The following SLC10A7 variants were observed in gnomAD, a reference collection of about 807,000 sequenced individuals.
The protein encoded by SLC10A7 is sodium/bile acid cotransporter 7.
SLC10A7 carries 29 observed loss-of-function variants against 43.2 expected under a neutral mutation model. The ratio of observed to expected loss-of-function variants is 0.67; its 90% CI spans 0.50 to 0.92. SLC10A7 has a LOEUF of 0.92. SLC10A7 is among the 40% of genes least tolerant of loss of function. SLC10A7 has a pLI of 0.00. For synonymous variants in SLC10A7, 152 were observed against 144.8 expected (o/e 1.05, Z -0.35); for missense variants, 295 against 403.2 (o/e 0.73, Z 2.30).
chr4:146,410,351 A>G (rs1409266880), intron 5 of SLC10A7, among the ~76,000 whole-genome samples: 1 of 152,192 alleles, frequency 6.6e-6, no homozygotes, highest in African/African-American at 2.4e-5. Context: ...AGTCTATATC[A>G]ACACTCAAAT....
chr4:146,260,371 T>C (rs1029926392), intron 10 of SLC10A7, among the ~76,000 whole-genome samples: 3 of 151,682 alleles, frequency 2.0e-5, no homozygotes, highest in African/African-American at 4.8e-5. Flanking sequence ...GGGATGGGAG[T>C]GGAGTAAATG....
rs917513358 is a variant in SLC10A7, at chr4:146,254,941, T to C, written c.*1550A>G. On this transcript the variant is annotated 3_prime_UTR_variant, in exon 12 of 12. Coordinates refer to ENST00000335472, the MANE Select transcript of SLC10A7 (RefSeq NM_001029998.6). ...AAATTCACACTGAGAATAACTCTTA[T>C]GAAATTTATTCAATGACATTGACAA... The C allele has an allele frequency of 6.6e-6, 1 of 152,236 alleles. No individual in the cohort carries two copies. Among genetic ancestry groups the C allele is most frequent in the Admixed American group, 6.5e-5 (1 of 15,284 alleles). The allele number at this position is 152,236 out of a possible 1,614,324, so 9.4% of individuals were successfully genotyped here.
chr4:146,314,628 A>G (rs1389998688), intron 6 of SLC10A7, among the ~76,000 whole-genome samples: 2 of 152,144 alleles, frequency 1.3e-5, no homozygotes, highest in African/African-American at 2.4e-5. Context: ...CCCCAAGGTA[A>G]TGATGTGACC....
intron 10 of SLC10A7, among the ~76,000 whole-genome samples, chr4:146,276,553 GAATAA>G (rs1729218832): frequency 6.6e-6 from 1 of 152,252 alleles, no homozygotes; most frequent in South Asian, 2.1e-4. Context: ...TACATAAGCT[GAATAA>G]AATAATAATC....
intron 5 of SLC10A7, among the ~76,000 whole-genome samples, chr4:146,436,353 T>A (rs1730216654): frequency 6.6e-6 from 1 of 152,120 alleles, no homozygotes; most frequent in African/African-American, 2.4e-5. Flanking sequence ...CATAGAGCTA[T>A]CAGTGGGTCT....
chr4:146,393,191 CAAAAAAAAAAA>C (rs765135958), intron 5 of SLC10A7, among the ~76,000 whole-genome samples: 4 of 42,068 alleles, frequency 9.5e-5, no homozygotes, highest in Non-Finnish European at 1.2e-4. Flanking sequence ...GGCCCTGTCT[CAAAAAAAAAAA>C]AAAAAAAAAA....
At chr4:146,471,345 C>T (rs1354463287) in intron 4 of SLC10A7, among the ~76,000 whole-genome samples, 1 of 152,204 alleles carries the variant, frequency 6.6e-6, no homozygotes, top group African/African-American at 2.4e-5. Flanking sequence ...ACTGGACCAA[C>T]TGGGTTTTCT....
intron 4 of SLC10A7, among the ~76,000 whole-genome samples, chr4:146,463,918 G>A (rs758202393): frequency 1.3e-5 from 2 of 150,352 alleles, no homozygotes; most frequent in Non-Finnish European, 3.0e-5. Context: ...CAATCTCCTG[G>A]GCTCAGACCA....
chr4:146,358,447 T>C (rs1735813188), intron 5 of SLC10A7, among the ~76,000 whole-genome samples: 1 of 152,164 alleles, frequency 6.6e-6, no homozygotes, highest in South Asian at 2.1e-4. Context: ...TATACATACA[T>C]ACAAATACCT....
In SLC10A7 at chr4:146,255,232, G is replaced by C. The variant is rs1727831404; in HGVS notation, c.*1259C>G. ...TATACGTGGCTTCATTCTCTACTTG[G>C]GTCCAGTTACAGTTCTTGCAGCTAT... On this transcript the variant is annotated 3_prime_UTR_variant, in exon 12 of 12. Coordinates refer to ENST00000335472, the MANE Select transcript of SLC10A7 (RefSeq NM_001029998.6). The C allele has an allele frequency of 6.6e-6, 1 of 152,524 alleles. No individual in the cohort carries two copies. The highest frequency in any genetic ancestry group is 2.1e-4 in the South Asian group (1 of 4,814). The allele number at this position is 152,524 out of a possible 1,614,324, so 9.4% of individuals were successfully genotyped here.
At chr4:146,504,072 C>T in intron 3 of SLC10A7, 148 bp from the exon 4 acceptor site, 1 of 711,258 alleles carries the variant, frequency 1.4e-6, no homozygotes, top group Non-Finnish European at 2.4e-6. Flanking sequence ...GACAAGTCTA[C>T]ACAAGGCAAC....
intron 4 of SLC10A7, among the ~76,000 whole-genome samples, chr4:146,498,400 G>C (rs1736106892): frequency 6.6e-6 from 1 of 152,078 alleles, no homozygotes; most frequent in Admixed American, 6.6e-5. Flanking sequence ...TTACAGACAT[G>C]AGCCACCGCC....
intron 10 of SLC10A7, among the ~76,000 whole-genome samples, chr4:146,277,035 G>A (rs1235600830): frequency 3.3e-5 from 5 of 152,078 alleles, no homozygotes; most frequent in East Asian, 3.9e-4. Flanking sequence ...AAACCTTCTC[G>A]CTAAGCAAGC....
At chr4:146,328,319 C>T (rs1733300611) in intron 5 of SLC10A7, among the ~76,000 whole-genome samples, 1 of 152,146 alleles carries the variant, frequency 6.6e-6, no homozygotes, top group Non-Finnish European at 1.5e-5. Context: ...ACCCACACTT[C>T]CTTATCACCA....
At chr4:146,349,173 A>C (rs1213181840) in intron 5 of SLC10A7, among the ~76,000 whole-genome samples, 1 of 152,190 alleles carries the variant, frequency 6.6e-6, no homozygotes, top group Non-Finnish European at 1.5e-5. Flanking sequence ...CAACCTACCA[A>C]ATTAACTACT....
At chr4:146,483,434 AGT>A (rs1283269965) in intron 4 of SLC10A7, among the ~76,000 whole-genome samples, 1 of 110,048 alleles carries the variant, frequency 9.1e-6, no homozygotes, top group Non-Finnish European at 1.8e-5. Flanking sequence ...TAAACCTCAT[AGT>A]AACCACACAC....
chr4:146,517,644 G>A (rs1738147472), intron 1 of SLC10A7, among the ~76,000 whole-genome samples: 1 of 152,070 alleles, frequency 6.6e-6, no homozygotes, highest in Admixed American at 6.6e-5. Flanking sequence ...GTCTTGCTCA[G>A]CACAGTGTCT....
chr4:146,273,812 C>T (rs1227363458), intron 10 of SLC10A7, among the ~76,000 whole-genome samples: 3 of 152,048 alleles, frequency 2.0e-5, no homozygotes, highest in Admixed American at 1.3e-4. Flanking sequence ...TCCCTCCCGC[C>T]GATGCTGCCC....
intron 10 of SLC10A7, among the ~76,000 whole-genome samples, chr4:146,270,079 C>T (rs888994360): frequency 6.6e-6 from 1 of 151,998 alleles, no homozygotes; most frequent in African/African-American, 2.4e-5. Flanking sequence ...GATTAAAAAC[C>T]AGACTTATTT....
Sources: allele counts gnomAD v4.1 joint callset (sites outside exome capture counted in the v4.1 genomes callset), GRCh38; gene constraint gnomAD v4.1.1; transcripts MANE v1.5; gene names NCBI Gene and HGNC (gene_info 2026-07-23, HGNC 2026-07-21).